RSRC2: variants seen among roughly 807,000 people sequenced by gnomAD.
RSRC2 encodes the protein arginine/serine-rich coiled-coil protein 2.
Under a neutral mutation model 61.3 loss-of-function variants are expected in RSRC2, and 5 were observed. That is an observed-to-expected ratio of 0.08 (90% CI 0.04 to 0.17). The LOEUF is 0.17. Among genes scored for constraint, RSRC2 ranks in the 10% least tolerant of loss-of-function variants. The probability of loss-of-function intolerance (pLI) is 1.00; values close to 1 mark genes in which losing one functional copy is unlikely to be tolerated. For synonymous variants in RSRC2, 202 were observed against 166.5 expected, an observed-to-expected ratio of 1.21 and a Z score of -1.64; for missense variants, 381 against 518.8, an observed-to-expected ratio of 0.73 and a Z score of 2.58.
At chr12:122,524,635 A>C (rs1274421088) in intron 1 of RSRC2, among the ~76,000 whole-genome samples, 1 of 152,226 alleles carries the variant, frequency 6.6e-6, no homozygotes, top group Admixed American at 6.5e-5. Context: ...TGTAAAATAT[A>C]CTACAGAGCA....
chr12:122,525,821 T>TACATCACGGGCCAC (rs1960192224), intron 1 of RSRC2, among the ~76,000 whole-genome samples: 1 of 7,020 alleles, frequency 1.4e-4, no homozygotes, highest in African/African-American at 2.3e-3. Context: ...TTTTTTTTTT[T>TACATCACGGGCCAC]TTTTTTTTTT....
chr12:122,521,498 A>T, intron 2 of RSRC2, 70 bp from the exon 3 acceptor site: 1 of 1,358,674 alleles, frequency 7.4e-7, no homozygotes, highest in Non-Finnish European at 1.0e-6. Flanking sequence ...AAAAACTCTT[A>T]ATGCTGGAGA....
At chr12:122,512,049 G>A (rs1958558020) in intron 6 of RSRC2, among the ~76,000 whole-genome samples, 1 of 152,008 alleles carries the variant, frequency 6.6e-6, no homozygotes, top group Admixed American at 6.6e-5. Context: ...CTTCTGATCC[G>A]CCCGCCTTGG....
intron 1 of RSRC2, among the ~76,000 whole-genome samples, chr12:122,525,473 A>T (rs945747496): frequency 6.6e-6 from 1 of 152,144 alleles, no homozygotes; most frequent in Non-Finnish European, 1.5e-5. Context: ...CAGTAAAAGA[A>T]ACGGGTTTAA....
chr12:122,513,131 G>A (rs1260655005), intron 6 of RSRC2, among the ~76,000 whole-genome samples: 1 of 151,440 alleles, frequency 6.6e-6, no homozygotes, highest in African/African-American at 2.4e-5. Context: ...GAAGGCAGAG[G>A]TTGCAGTGAG....
At chr12:122,512,152 T>G (rs934385050) in intron 6 of RSRC2, among the ~76,000 whole-genome samples, 1 of 152,226 alleles carries the variant, frequency 6.6e-6, no homozygotes, top group African/African-American at 2.4e-5. Context: ...GAATGAGTAG[T>G]GTGCATACAT....
At chr12:122,524,327 T>C (rs937841019) in intron 1 of RSRC2, among the ~76,000 whole-genome samples, 1 of 152,208 alleles carries the variant, frequency 6.6e-6, no homozygotes, top group Non-Finnish European at 1.5e-5. Context: ...CAGCTTACAC[T>C]TGGTAAACAG....
chr12:122,522,252 T>C lies in RSRC2; in HGVS notation c.54A>G (p.Pro18=), dbSNP rs1192497404. ...RDGLAPEKTS[P]DRDKKKEQSE... ...ACTGCTCTTTTTTCTTATCTCTATC[T>C]GGTGATGTCTTTTCTGGGGCTAGTC... The change falls in exon 2 of 10, where the codon CCA becomes CCG. Residue 18 remains proline, a synonymous_variant. Coordinates refer to ENST00000331738, the MANE Select transcript of RSRC2 (RefSeq NM_023012.6). 1.2e-6 allele frequency: 2 copies of C among 1,613,832 alleles called. No homozygotes were observed. Among genetic ancestry groups the C allele is most frequent in the African/African-American group, 2.7e-5 (2 of 74,922 alleles).
intron 1 of RSRC2, among the ~76,000 whole-genome samples, chr12:122,526,605 T>C (rs1430113324): frequency 6.6e-6 from 1 of 151,300 alleles, no homozygotes; most frequent in African/African-American, 2.4e-5. Context: ...GAACGTAGGG[T>C]TGGGGAAGAG....
intron 6 of RSRC2, chr12:122,514,443 T>G (rs964743843): frequency 4.1e-6 from 1 of 241,006 alleles, no homozygotes; most frequent in African/African-American, 2.3e-5. Context: ...TTTTGTATTT[T>G]TAGTAGAGAT....
In RSRC2 at chr12:122,518,407, A is replaced by G. The variant is rs186287774; in HGVS notation, c.398+432T>C. Among the ~76,000 whole-genome samples the G allele has an allele frequency of 8.5e-5, 13 of 152,274 alleles. No homozygotes were observed. In the East Asian group the frequency reaches 1.5e-3, roughly 18 times the overall value. ...CAGGAGTTCGAGACCAGCCTGGCCA[A>G]CATGGCGAAACCTCATCTCTACTAA... is the stretch of plus-strand genomic sequence containing the variant. On this transcript the variant is annotated intron_variant, in intron 4 of 9. Transcript: ENST00000331738.
At chr12:122,506,039 C>G (rs118190543) in intron 9 of RSRC2, among the ~76,000 whole-genome samples, 2 of 152,056 alleles carry the variant, frequency 1.3e-5, no homozygotes, top group East Asian at 3.9e-4. Flanking sequence ...GCCTGCCCCC[C>G]GGCCTCCCGA....
At chr12:122,506,468 G>T in intron 9 of RSRC2, 1 of 183,406 alleles carries the variant, frequency 5.5e-6, no homozygotes, top group Non-Finnish European at 1.1e-5. Flanking sequence ...GATGGAGGCT[G>T]GGCGCAGTGG....
intron 6 of RSRC2, among the ~76,000 whole-genome samples, chr12:122,514,096 A>C (rs1456604458): frequency 6.6e-5 from 10 of 152,180 alleles, no homozygotes; most frequent in Non-Finnish European, 1.3e-4. Context: ...ATTTTTCAAA[A>C]TATGGGAAAT....
Position 122,508,232 on chromosome 12 carries a change from C to T in RSRC2, c.1021G>A (p.Gly341Ser), listed in dbSNP as rs749422006. ...AGAGAACTTACCCCTTCTTTCTTGC[C>T]CTGCCAAAGCATTTTCCTTTTTTTC... ...QEKKRKMLWQGKKEGDKSQSA... is the reference protein window; with the variant it reads ...QEKKRKMLWQSKKEGDKSQSA... Residue 341 changes from glycine to serine, a missense_variant, in exon 8 of 10, where the codon GGC becomes AGC. By Grantham distance (56) the Gly-to-Ser change is moderately conservative. Transcript: ENST00000331738. 1 of 1,613,932 alleles carries T rather than the reference C, an allele frequency of 6.2e-7. No individual in the cohort carries two copies. Among genetic ancestry groups the T allele is most frequent in the East Asian group, 2.2e-5 (1 of 44,882 alleles).
rs1219306678 is a variant in RSRC2 at position 122,511,098 on chromosome 12, A to G, written c.805+11T>C. On this transcript the variant is annotated intron_variant, in intron 7 of 9. Coordinates refer to ENST00000331738, the MANE Select transcript of RSRC2 (RefSeq NM_023012.6). ...AAATCGAGATGACTAAAAAAGAATG[A>G]AAAAAATTACCTGCAGCTATTTCTT... The G allele has an allele frequency of 6.3e-7, 1 of 1,581,458 alleles. No individual in the cohort carries two copies. Among genetic ancestry groups the G allele is most frequent in the Admixed American group, 1.7e-5 (1 of 57,258 alleles).
In RSRC2 at chr12:122,514,566, G is replaced by A. The variant is rs1331059347; in HGVS notation, c.725+539C>T. The stretch of plus-strand genomic sequence containing the variant: ...CAGGTGTGACCGATTGCACCCGGCC[G>A]AAACAGCAGAAAATTAAAAAAAAAA... On this transcript the variant is annotated intron_variant, in intron 6 of 9. Coordinates refer to ENST00000331738, the MANE Select transcript of RSRC2 (RefSeq NM_023012.6). The A allele has an allele frequency of 5.9e-6, 6 of 1,024,928 alleles. No homozygotes were observed. In the African/African-American group the frequency reaches 7.5e-5, roughly 13 times the overall value. The allele number at this position is 1,024,928 out of a possible 1,614,324, so 63.5% of individuals were successfully genotyped here.
intron 7 of RSRC2, among the ~76,000 whole-genome samples, chr12:122,508,663 T>C (rs757766917): frequency 6.6e-6 from 1 of 152,170 alleles, no homozygotes; most frequent in Non-Finnish European, 1.5e-5. Context: ...CCTTGATATA[T>C]AAACCATTTA....
intron 8 of RSRC2, 109 bp from the exon 9 acceptor site, chr12:122,507,032 C>A: frequency 1.4e-6 from 1 of 690,262 alleles, no homozygotes; most frequent in Non-Finnish European, 2.6e-6. Context: ...GGATAGCATT[C>A]AATCAATGTA....
Sources: allele counts gnomAD v4.1 joint callset (sites outside exome capture counted in the v4.1 genomes callset), GRCh38; gene constraint gnomAD v4.1.1; transcripts MANE v1.5; gene names NCBI Gene and HGNC (gene_info 2026-07-23, HGNC 2026-07-21).